Variants in LHPP observed in about 807,000 individuals in gnomAD.
LHPP encodes phospholysine phosphohistidine inorganic pyrophosphate phosphatase.
LHPP carries 24 observed loss-of-function variants against 30.3 expected under a neutral mutation model. The ratio of observed to expected loss-of-function variants is 0.79; its 90% confidence interval spans 0.57 to 1.11. The LOEUF is 1.11. Ranked by LOEUF, LHPP falls within the 50% of genes most tolerant of loss-of-function variation. The pLI, the probability that LHPP is intolerant of heterozygous loss-of-function variation, is 0.00. For synonymous variants in LHPP, 150 were observed against 157.1 expected, an observed-to-expected ratio of 0.95 and a Z score of 0.34; for missense variants, 356 against 367.2, an observed-to-expected ratio of 0.97 and a Z score of 0.25.
At chr10:124,514,110 C>A (rs1954387862) in intron 5 of LHPP, among the ~76,000 whole-genome samples, 1 of 152,192 alleles carries the variant, frequency 6.6e-6, no homozygotes, top group Non-Finnish European at 1.5e-5. Context: ...GTCCATTATG[C>A]TGCACTATGA....
chr10:124,519,858 A>T (rs1361944462), intron 6 of LHPP, among the ~76,000 whole-genome samples: 1 of 151,006 alleles, frequency 6.6e-6, no homozygotes, highest in Non-Finnish European at 1.5e-5. Flanking sequence ...TTTGAGATAG[A>T]GTCTTGCTCT....
At chr10:124,585,540 A>G (rs12765074) in intron 6 of LHPP, among the ~76,000 whole-genome samples, 20,135 of 151,382 alleles carry the variant, frequency 0.13, 1,790 homozygotes, top group Non-Finnish European at 0.2. Flanking sequence ...GCTTGAACCC[A>G]GGAGATGGAG....
intron 1 of LHPP, among the ~76,000 whole-genome samples, chr10:124,469,127 C>A (rs1828959334): frequency 6.6e-6 from 1 of 152,090 alleles, no homozygotes; most frequent in African/African-American, 2.4e-5. Flanking sequence ...GCTTTGAAGT[C>A]CTGCAGGAGC....
chr10:124,542,626 C>T (rs889111455), intron 6 of LHPP, among the ~76,000 whole-genome samples: 3 of 152,164 alleles, frequency 2.0e-5, no homozygotes, highest in Admixed American at 2.0e-4. Context: ...GGGGAGGGGG[C>T]AGTTACCAGA....
intron 1 of LHPP, among the ~76,000 whole-genome samples, chr10:124,469,875 C>A (rs1478202137): frequency 6.6e-6 from 1 of 152,176 alleles, no homozygotes; most frequent in South Asian, 2.1e-4. Flanking sequence ...CCTGGCCTCG[C>A]AGATCCCATG....
chr10:124,520,343 T>C (rs1183439458), intron 6 of LHPP, among the ~76,000 whole-genome samples: 1 of 151,646 alleles, frequency 6.6e-6, no homozygotes, highest in African/African-American at 2.4e-5. Context: ...TGTATCCATG[T>C]GTTCAGATGC....
At chr10:124,525,002 C>G (rs1487894715) in intron 6 of LHPP, among the ~76,000 whole-genome samples, 1 of 152,232 alleles carries the variant, frequency 6.6e-6, no homozygotes, top group East Asian at 1.9e-4. Flanking sequence ...AAGACCTAGT[C>G]CCTGATTGAC....
chr10:124,481,102 G>A (rs1451283157), intron 1 of LHPP, among the ~76,000 whole-genome samples: 2 of 152,300 alleles, frequency 1.3e-5, no homozygotes, highest in African/African-American at 2.4e-5. Flanking sequence ...TGGGGATGCC[G>A]TGGAGACCCG....
intron 1 of LHPP, 74 bp downstream of exon 1, chr10:124,462,061 G>C (rs2133799855): frequency 1.7e-6 from 2 of 1,167,910 alleles, no homozygotes; most frequent in South Asian, 4.3e-5. Flanking sequence ...CCGGCAGGGG[G>C]CGGGGCGGCA....
intron 6 of LHPP, among the ~76,000 whole-genome samples, chr10:124,525,970 C>G (rs909099709): frequency 6.6e-6 from 1 of 152,162 alleles, no homozygotes; most frequent in Admixed American, 6.5e-5. Flanking sequence ...CGGGAGGTGG[C>G]TGCAGAGTGA....
intron 5 of LHPP, among the ~76,000 whole-genome samples, chr10:124,507,959 C>G (rs143045504): frequency 2.0e-5 from 3 of 146,430 alleles, no homozygotes; most frequent in African/African-American, 5.1e-5. Context: ...CTTCATGGCT[C>G]GCACCCTCAG....
chr10:124,604,479 G>T (rs1195609913), intron 6 of LHPP, among the ~76,000 whole-genome samples: 1 of 152,222 alleles, frequency 6.6e-6, no homozygotes, highest in African/African-American at 2.4e-5. Flanking sequence ...CTGATAAGCA[G>T]CCTTCAGAGA....
intron 1 of LHPP, among the ~76,000 whole-genome samples, chr10:124,475,300 G>T (rs1952909136): frequency 6.6e-6 from 1 of 151,776 alleles, no homozygotes; most frequent in African/African-American, 2.4e-5. Flanking sequence ...CTCCCAAAGT[G>T]CTGGGGATTA....
At chr10:124,536,717 G>A (rs1028214131) in intron 6 of LHPP, among the ~76,000 whole-genome samples, 2 of 152,200 alleles carry the variant, frequency 1.3e-5, no homozygotes, top group African/African-American at 4.8e-5. Context: ...CTGAAGGCAG[G>A]AAGCAGGACA....
chr10:124,506,372 C>T (rs1193908050), intron 5 of LHPP, among the ~76,000 whole-genome samples: 4 of 150,612 alleles, frequency 2.7e-5, no homozygotes, highest in Non-Finnish European at 5.9e-5. Context: ...AACAGCATCC[C>T]ACTGTCCGCC....
chr10:124,570,876 G>A (rs1382027171), intron 6 of LHPP, among the ~76,000 whole-genome samples: 1 of 152,162 alleles, frequency 6.6e-6, no homozygotes, highest in African/African-American at 2.4e-5. Context: ...TCAGCTGATG[G>A]ACATTTGGAT....
chr10:124,539,038 T>G (rs1173704437), intron 6 of LHPP, among the ~76,000 whole-genome samples: 1 of 152,198 alleles, frequency 6.6e-6, no homozygotes, highest in Non-Finnish European at 1.5e-5. Context: ...CAGATGGGCT[T>G]CTTCTAGCAG....
chr10:124,490,768 T>C (rs2133861289), intron 3 of LHPP, among the ~76,000 whole-genome samples: 1 of 152,374 alleles, frequency 6.6e-6, no homozygotes, highest in African/African-American at 2.4e-5. Context: ...TTGAGGCATG[T>C]TGCCAAGTTG....
At position 124,529,834 on chromosome 10, in the gene LHPP, T is replaced by C. The variant is rs557941077; in HGVS notation, c.716+12563T>C. Among the ~76,000 whole-genome samples the C allele has an allele frequency of 9.6e-3, 1,204 of 125,778 alleles. 8 individuals are homozygous for C. The highest frequency in any genetic ancestry group is 0.059 in the South Asian group (204 of 3,466). The allele number at this position is 125,778 out of a possible 152,430, so 82.5% of individuals were successfully genotyped here. A position where few individuals can be genotyped will look rare whatever the true frequency, so the allele number is the denominator to read the frequency against. The stretch of plus-strand genomic sequence containing the variant: ...ACACGCACACACACACACACACACA[T>C]GCGCACATGCACCCACGCACTCTCT... On this transcript the variant is annotated intron_variant, in intron 6 of 6. Transcript: ENST00000368842.
Sources: allele counts gnomAD v4.1 joint callset (sites outside exome capture counted in the v4.1 genomes callset), GRCh38; gene constraint gnomAD v4.1.1; transcripts MANE v1.5; gene names NCBI Gene and HGNC (gene_info 2026-07-23, HGNC 2026-07-21).